Variants in TOPAZ1 observed in about 807,000 individuals in gnomAD.
The protein encoded by TOPAZ1 is testis and ovary specific TOPAZ 1.
Under a neutral mutation model 172.2 loss-of-function variants are expected in TOPAZ1, and 66 were observed. The ratio of observed to expected loss-of-function variants is 0.38; its 90% confidence interval spans 0.31 to 0.47. TOPAZ1 has a LOEUF of 0.47. TOPAZ1 is among the 20% of genes least tolerant of loss of function. The probability of loss-of-function intolerance (pLI) is 0.99; values close to 1 mark genes in which losing one functional copy is unlikely to be tolerated. For synonymous variants in TOPAZ1, 681 were observed against 683.9 expected (o/e 1.00, Z 0.07); for missense variants, 1,822 against 1,972.4 (o/e 0.92, Z 1.44).
intron 12 of TOPAZ1, among the ~76,000 whole-genome samples, chr3:44,297,882 C>T (rs1477509133): frequency 6.6e-6 from 1 of 152,066 alleles, no homozygotes; most frequent in Non-Finnish European, 1.5e-5. Flanking sequence ...ATATAATTTA[C>T]AATGGCTAAA....
chr3:44,264,833 A>G (rs1321254939), intron 5 of TOPAZ1, among the ~76,000 whole-genome samples: 3 of 152,238 alleles, frequency 2.0e-5, no homozygotes, highest in Non-Finnish European at 2.9e-5. Flanking sequence ...TCAAGAAACC[A>G]CTTTCTTTGC....
Position 44,242,373 on chromosome 3 carries a change from A to T in TOPAZ1, c.320A>T (p.Glu107Val), listed in dbSNP as rs949944035. The T allele has an allele frequency of 6.4e-7, 1 of 1,552,204 alleles. No individual in the cohort carries two copies. Among genetic ancestry groups the T allele is most frequent in the African/African-American group, 1.4e-5 (1 of 73,034 alleles). Residue 107 changes from glutamate (E) to valine (V), a missense_variant, in exon 1 of 20, where the codon GAA becomes GTA. Physicochemically the swap from Glu to Val is moderately radical, Grantham distance 121. Coordinates refer to ENST00000309765, the MANE Select transcript of TOPAZ1 (RefSeq NM_001145030.2). The stretch of plus-strand genomic sequence containing the variant: ...GGCCTAGAAGCAGCAAAGGAGGCTG[A>T]ACTCCCCTTGCAAACGGAAAGACAC... ...PRGLEAAKEA[E>V]LPLQTERHTK...
At position 44,244,206 on chromosome 3, in the gene TOPAZ1, C is replaced by T. The variant is rs762455230; in HGVS notation, c.1700C>T (p.Ser567Phe). 6.5e-7 allele frequency: 1 copy of T among 1,549,030 alleles called. No individual in the cohort carries two copies. The highest frequency in any genetic ancestry group is 8.7e-7 in the Non-Finnish European group (1 of 1,145,266). Residue 567 changes from serine to phenylalanine, a missense_variant, in exon 2 of 20, where the codon TCT (serine) becomes TTT (phenylalanine). This residue lies in a region of TOPAZ1 where 1,489 missense variants were observed against 1,490.8 expected (regional missense o/e 1.00). Transcript: ENST00000309765. ...TCTTCAAGTAAAGAAAAATTAGATT[C>T]TAATTCTAATTGTTTGTCTTCAGTT... Reference protein sequence around the residue: ...TESSSKEKLDSNSNCLSSVSA... With the variant: ...TESSSKEKLDFNSNCLSSVSA...
chr3:44,304,062 C>A lies in TOPAZ1; in HGVS notation c.3845C>A (p.Ser1282Ter). The A allele has an allele frequency of 6.5e-7, 1 of 1,535,356 alleles. No individual in the cohort carries two copies. Among genetic ancestry groups the A allele is most frequent in the South Asian group, 1.2e-5 (1 of 82,740 alleles). ...AAGAACTGGAAGTGTGATTTAGATT[C>A]AGCCTTGAATAAATTAGAGGTATGA... ...FKKNWKCDLDSALNKLEHCKE... is the reference protein window; with the variant it reads ...FKKNWKCDLD Residue 1282 changes from serine (S) to a stop codon, truncating the protein, a stop_gained, in exon 13 of 20, where the codon TCA becomes TAA. Transcript: ENST00000309765. LOFTEE classifies it high-confidence loss of function.
intron 5 of TOPAZ1, among the ~76,000 whole-genome samples, chr3:44,262,726 GATAAAA>G (rs558657952): frequency 1.3e-4 from 20 of 152,110 alleles, no homozygotes; most frequent in Non-Finnish European, 4.4e-5. Flanking sequence ...AAGGAGTAGT[GATAAAA>G]AGAAAAAATG....
At position 44,331,852 on chromosome 3, in the gene TOPAZ1, T is replaced by C; in HGVS notation, c.4920T>C (p.Ile1640=). ...ATCAAGCTGCAGTAGAAAGGTTAAT[T>C]ATGGCTGCTCGTATATCAGATCCAA... The part of the protein sequence containing the change: ...DDYQAAVERL[I]MAARISDPKL... Residue 1640 remains isoleucine, a synonymous_variant, in exon 20 of 20, where the codon ATT becomes ATC. Coordinates refer to ENST00000309765, the MANE Select transcript of TOPAZ1 (RefSeq NM_001145030.2). 6.4e-7 allele frequency: 1 copy of C among 1,552,062 alleles called. No homozygotes were observed. The highest frequency in any genetic ancestry group is 8.7e-7 in the Non-Finnish European group (1 of 1,147,072).
chr3:44,313,383 G>A (rs995709847), intron 16 of TOPAZ1, among the ~76,000 whole-genome samples: 6 of 151,846 alleles, frequency 4.0e-5, no homozygotes, highest in East Asian at 1.9e-4. Context: ...AGGCCGAGGC[G>A]GGCGGATCAC....
Position 44,244,540 on chromosome 3 carries a change from A to G in TOPAZ1, c.2034A>G (p.Ile678Met). 5 of 1,550,862 alleles carry G rather than the reference A, an allele frequency of 3.2e-6. No homozygotes were observed. The highest frequency in any genetic ancestry group is 4.4e-6 in the Non-Finnish European group (5 of 1,146,816). The change falls in exon 2 of 20, where the codon ATA (isoleucine) becomes ATG (methionine). Residue 678 changes from isoleucine to methionine, a missense_variant. Transcript: ENST00000309765. ...TTATAGTTCCAGACTTGGTTAAAAT[A>G]TTGAACACAGGACGGCTGACTAATT... ...QTFIVPDLVKILNTGRLTNFK... is the reference protein window; with the variant it reads ...QTFIVPDLVKMLNTGRLTNFK...
rs1416810284 is a variant in TOPAZ1, at chr3:44,244,485, A to G, written c.1979A>G (p.His660Arg). ...EANNSAGKTI[H>R]RKACIAQQTF... ...AATAACTCTGCAGGCAAAACTATTCATCGAAAAGCATGCATTGCTCAACAA... is the reference window on the plus strand; with the variant it reads ...AATAACTCTGCAGGCAAAACTATTCGTCGAAAAGCATGCATTGCTCAACAA... The change falls in exon 2 of 20, where the codon CAT becomes CGT. Residue 660 changes from histidine (H) to arginine (R), a missense_variant. By Grantham distance (29) the His-to-Arg change is conservative. Around this residue, in one of 2 missense-constraint regions of TOPAZ1, gnomAD observed 1,489 missense variants for 1,490.8 expected, o/e 1.00. Transcript: ENST00000309765. 27 of 1,551,614 alleles carry G rather than the reference A, an allele frequency of 1.7e-5. No homozygotes were observed. Among genetic ancestry groups the G allele is most frequent in the Non-Finnish European group, 2.4e-5 (27 of 1,146,974 alleles).
intron 5 of TOPAZ1, among the ~76,000 whole-genome samples, chr3:44,265,443 G>A (rs1226149532): frequency 6.6e-6 from 1 of 152,152 alleles, no homozygotes; most frequent in East Asian, 1.9e-4. Context: ...TGTAATCCTA[G>A]CTACTCAGGA....
chr3:44,287,633 T>A, intron 10 of TOPAZ1, 93 bp downstream of exon 10: 1 of 1,076,896 alleles, frequency 9.3e-7, no homozygotes, highest in Non-Finnish European at 1.3e-6. Flanking sequence ...ATTTCTGTAT[T>A]TGTTGAATAC....
At chr3:44,253,960 T>C (rs1485485713) in intron 2 of TOPAZ1, among the ~76,000 whole-genome samples, 5 of 152,344 alleles carry the variant, frequency 3.3e-5, no homozygotes, top group Admixed American at 3.3e-4. Context: ...TTTAAATTTT[T>C]GTCTAAGTGA....
At chr3:44,262,267 A>G (rs1699782934) in intron 4 of TOPAZ1, among the ~76,000 whole-genome samples, 152 bp from the exon 5 acceptor site, 1 of 152,178 alleles carries the variant, frequency 6.6e-6, no homozygotes, top group South Asian at 2.1e-4. Context: ...AGTATTTTAA[A>G]TTATGTAGAG....
At chr3:44,317,452 A>C (rs2125703730) in intron 16 of TOPAZ1, among the ~76,000 whole-genome samples, 1 of 152,290 alleles carries the variant, frequency 6.6e-6, no homozygotes, top group African/African-American at 2.4e-5. Flanking sequence ...TGTATACCTT[A>C]GGGGAAAAAT....
rs1559544079 is a variant in TOPAZ1, at chr3:44,305,193, T to C, written c.3911T>C (p.Ile1304Thr). The C allele has an allele frequency of 6.5e-7, 1 of 1,544,488 alleles. No homozygotes were observed. The highest frequency in any genetic ancestry group is 1.4e-5 in the African/African-American group (1 of 72,508). Residue 1304 changes from isoleucine (I) to threonine (T), a missense_variant, in exon 14 of 20, where the codon ATT becomes ACT. Ile to Thr is a moderately conservative substitution (Grantham distance 89, BLOSUM62 -1). This residue lies in a region of TOPAZ1 where 333 missense variants were observed against 481.7 expected (regional missense o/e 0.69). Transcript: ENST00000309765. ...GDWTKLGKLYINVKMGCEKFA... is the reference protein window; with the variant it reads ...GDWTKLGKLYTNVKMGCEKFA... ...TGGACCAAATTGGGAAAATTATACATTAACGTAAAAATGGGCTGTGAAAAA... is the reference window on the plus strand; with the variant it reads ...TGGACCAAATTGGGAAAATTATACACTAACGTAAAAATGGGCTGTGAAAAA...
At chr3:44,276,624 CTTTTTTTT>C (rs762865769) in intron 8 of TOPAZ1, among the ~76,000 whole-genome samples, 40 of 24,110 alleles carry the variant, frequency 1.7e-3, no homozygotes, top group Middle Eastern at 0.029. Flanking sequence ...CAGCTTTGTT[CTTTTTTTT>C]TTTTTTTTTT....
intron 19 of TOPAZ1, among the ~76,000 whole-genome samples, chr3:44,331,028 TAGTC>T (rs1700661509): frequency 6.6e-6 from 1 of 152,212 alleles, no homozygotes; most frequent in Non-Finnish European, 1.5e-5. Flanking sequence ...TAAGTAAAAA[TAGTC>T]AATATCAAAG....
At chr3:44,245,529 G>A (rs1456704423) in intron 2 of TOPAZ1, among the ~76,000 whole-genome samples, 2 of 117,106 alleles carry the variant, frequency 1.7e-5, no homozygotes, top group Middle Eastern at 6.4e-3. Context: ...TCATAGAGTG[G>A]CTTTTTTTTT....
intron 3 of TOPAZ1, among the ~76,000 whole-genome samples, chr3:44,255,467 A>G (rs547296243): frequency 1.3e-5 from 2 of 152,100 alleles, no homozygotes; most frequent in South Asian, 4.2e-4. Flanking sequence ...CCTGGCCAAC[A>G]TGGTGAAACC....
Sources: gnomAD v4.1 joint callset for allele counts (sites outside exome capture counted in the v4.1 genomes callset) on GRCh38, gnomAD v4.1.1 for gene constraint, gnomAD v4.1.1 regional missense constraint, MANE v1.5 for transcripts, NCBI Gene and HGNC (gene_info 2026-07-23, HGNC 2026-07-21) for gene names.